Variants in PLXNC1 observed in about 807,000 individuals in gnomAD.
The protein encoded by PLXNC1 is plexin-C1.
Under a neutral mutation model 178.2 loss-of-function variants are expected in PLXNC1, and 75 were observed. That is an observed-to-expected ratio of 0.42 (90% CI 0.35 to 0.51). The LOEUF (loss-of-function observed/expected upper bound fraction) is 0.51. PLXNC1 is among the 20% of genes least tolerant of loss of function. The pLI is 0.02. For synonymous variants in PLXNC1, 790 were observed against 779.9 expected, an observed-to-expected ratio of 1.01 and a Z score of -0.22; for missense variants, 1,503 against 1,984.4, an observed-to-expected ratio of 0.76 and a Z score of 4.61.
intron 9 of PLXNC1, chr12:94,227,475 G>A (rs554295733): frequency 2.0e-5 from 7 of 348,794 alleles, no homozygotes; most frequent in African/African-American, 1.0e-4. Flanking sequence ...TGCTCTGGTC[G>A]AAATAAAATT....
At chr12:94,200,214 T>A (rs959943895) in intron 4 of PLXNC1, among the ~76,000 whole-genome samples, 1 of 152,242 alleles carries the variant, frequency 6.6e-6, no homozygotes, top group South Asian at 2.1e-4. Flanking sequence ...ATTAAGAACA[T>A]CCCTTTTAGT....
intron 11 of PLXNC1, among the ~76,000 whole-genome samples, chr12:94,242,249 C>T (rs1964409616): frequency 6.6e-6 from 1 of 150,564 alleles, no homozygotes; most frequent in African/African-American, 2.4e-5. Flanking sequence ...TGGTCATCTT[C>T]TCTCTATGTC....
intron 1 of PLXNC1, among the ~76,000 whole-genome samples, chr12:94,153,033 C>G (rs1438167783): frequency 1.3e-5 from 2 of 152,266 alleles, no homozygotes; most frequent in Non-Finnish European, 2.9e-5. Context: ...GACCCTCTCT[C>G]TAATAATCTT....
In PLXNC1 at chr12:94,248,048, G is replaced by A; in HGVS notation, c.2534G>A (p.Arg845Lys). 1 of 1,614,118 alleles carries A rather than the reference G, an allele frequency of 6.2e-7. No individual in the cohort carries two copies. The change falls in exon 13 of 31, where the codon AGA becomes AAA. Residue 845 changes from arginine to lysine, a missense_variant. Arg to Lys is a conservative substitution (Grantham distance 26, BLOSUM62 2). Coordinates refer to ENST00000258526, the MANE Select transcript of PLXNC1 (RefSeq NM_005761.3). ...ACCCTGCAGTATCGGGAGGACCCCAGATTCACGGGGTATCGGGTGGAATCC... is the reference window on the plus strand; with the variant it reads ...ACCCTGCAGTATCGGGAGGACCCCAAATTCACGGGGTATCGGGTGGAATCC... ...CGTLQYREDP[R>K]FTGYRVESEV...
At position 94,159,909 on chromosome 12, in the gene PLXNC1, C is replaced by T. The variant is rs939490914; in HGVS notation, c.1063-9244C>T. 1.7e-4 allele frequency among the ~76,000 whole-genome samples: 26 copies of T among 151,708 alleles called. 1 individual carries two copies. The highest frequency in any genetic ancestry group is 5.9e-5 in the Non-Finnish European group (4 of 67,918). ...TTATTGCAATCATTCAACTGAGGGA[C>T]GTTGAAGAGCTGAACTGAGGTTGCA... On this transcript the variant is annotated intron_variant, in intron 1 of 30. Coordinates refer to ENST00000258526, the MANE Select transcript of PLXNC1 (RefSeq NM_005761.3).
At position 94,215,453 on chromosome 12, in the gene PLXNC1, A is replaced by G. The variant is rs1009615969; in HGVS notation, c.1555-4563A>G. ...TTTATTTAAAATTAATATAAAATTC[A>G]TCTGGAATATCATGAGCTGATCAAG... On this transcript the variant is annotated intron_variant, in intron 5 of 30. Coordinates refer to ENST00000258526, the MANE Select transcript of PLXNC1 (RefSeq NM_005761.3). 4.6e-5 allele frequency among the ~76,000 whole-genome samples: 7 copies of G among 152,114 alleles called. No homozygotes were observed. In the East Asian group the frequency reaches 1.2e-3, roughly 25 times the overall value.
intron 15 of PLXNC1, among the ~76,000 whole-genome samples, chr12:94,252,330 C>T (rs1056734350): frequency 3.3e-5 from 5 of 152,048 alleles, no homozygotes; most frequent in Non-Finnish European, 5.9e-5. Context: ...CTTTGGGAGG[C>T]CAAGGAGGGA....
intron 22 of PLXNC1, chr12:94,281,980 A>C: frequency 3.4e-6 from 1 of 298,402 alleles, no homozygotes. Context: ...TGGGCACACA[A>C]GTGTGAGCAT....
rs779524285 is a variant in PLXNC1, at chr12:94,240,578, T to C, written c.2214T>C (p.Asp738=). The change falls in exon 11 of 31, where the codon GAT becomes GAC. Residue 738 remains aspartate, a synonymous_variant. Transcript: ENST00000258526. Reference sequence around the variant, plus strand: ...TGAAGGATGTGTGTATCCAGTTTGATGGTGGGAACTGCTCTTCTGTGGGAT... The same window carrying C: ...TGAAGGATGTGTGTATCCAGTTTGACGGTGGGAACTGCTCTTCTGTGGGAT... The part of the protein sequence containing the change: ...KEMKDVCIQF[D]GGNCSSVGSL... 3 of 1,613,848 alleles carry C rather than the reference T, an allele frequency of 1.9e-6. No individual in the cohort carries two copies. The African/African-American group carries it at 4.0e-5, about 22-fold the overall frequency.
intron 21 of PLXNC1, chr12:94,277,785 T>C: frequency 2.7e-6 from 1 of 364,724 alleles, no homozygotes; most frequent in South Asian, 2.0e-5. Context: ...TTGCCGATAC[T>C]ATCATCAAGC....
chr12:94,226,776 C>A lies in PLXNC1; in HGVS notation c.1893+69C>A, dbSNP rs1963951926. On this transcript the variant is annotated intron_variant, in intron 8 of 30. Transcript: ENST00000258526. Reference sequence around the variant, plus strand: ...TGGTGGCTCACGCCTGCAATCCCAGCATTTTGGGAGGTCGAGGCGGGTGGA... The same window carrying A: ...TGGTGGCTCACGCCTGCAATCCCAGAATTTTGGGAGGTCGAGGCGGGTGGA... 21 of 1,143,508 alleles carry A rather than the reference C, an allele frequency of 1.8e-5. No homozygotes were observed. The South Asian group carries it at 2.3e-4, about 13-fold the overall frequency. The allele number at this position is 1,143,508 out of a possible 1,614,324, so 70.8% of individuals were successfully genotyped here.
chr12:94,297,461 A>AGGG, intron 26 of PLXNC1, 38 bp downstream of exon 26: 1 of 1,349,476 alleles, frequency 7.4e-7, no homozygotes, highest in Non-Finnish European at 1.1e-6. Context: ...ATGGCTACCT[A>AGGG]GGGGGTGTAT....
At chr12:94,237,067 T>C (rs1964262878) in intron 9 of PLXNC1, among the ~76,000 whole-genome samples, 1 of 152,102 alleles carries the variant, frequency 6.6e-6, no homozygotes, top group South Asian at 2.1e-4. Flanking sequence ...AAGAAGGAGG[T>C]TGTGGTATCT....
intron 5 of PLXNC1, among the ~76,000 whole-genome samples, chr12:94,219,284 A>T (rs1188391594): frequency 6.6e-6 from 1 of 152,210 alleles, no homozygotes; most frequent in Non-Finnish European, 1.5e-5. Context: ...TTCCAGATAA[A>T]TGGAAATTTA....
In PLXNC1 at chr12:94,305,426, C is replaced by T. The variant is rs183750594; in HGVS notation, c.*141C>T. On this transcript the variant is annotated 3_prime_UTR_variant, in exon 31 of 31. Transcript: ENST00000258526. ...GCACTGTCTTTTTAAGAGACCAAGG[C>T]ACATGCACAGCTTTTAGAAAGCATA... is the stretch of plus-strand genomic sequence containing the variant. 1.3e-3 allele frequency: 787 copies of T among 602,366 alleles called. 6 individuals carry two copies. The highest frequency in any genetic ancestry group is 2.9e-4 in the South Asian group (14 of 47,952). The allele number at this position is 602,366 out of a possible 1,614,324, so 37.3% of individuals were successfully genotyped here.
intron 17 of PLXNC1, among the ~76,000 whole-genome samples, chr12:94,258,174 A>C (rs879572462): frequency 4.6e-5 from 7 of 152,204 alleles, no homozygotes; most frequent in Non-Finnish European, 7.3e-5. Flanking sequence ...CCAGGGCGGC[A>C]CTTCCGTATT....
chr12:94,156,704 CTTTCTTTTTTT>C lies in PLXNC1; in HGVS notation c.1062+6675_1062+6685del, dbSNP rs1275300502. 3.8e-5 allele frequency among the ~76,000 whole-genome samples: 5 copies of C among 129,950 alleles called. No individual in the cohort carries two copies. In the South Asian group the frequency reaches 1.3e-3, roughly 33 times the overall value. The allele number at this position is 129,950 out of a possible 152,430, so 85.3% of individuals were successfully genotyped here. The stretch of plus-strand genomic sequence containing the variant: ...CTGGAGGAGAGACACTGGAAACTTT[CTTTCTTTTTTT>C]TTTTTTTTTTTAAACAGAGTCTCAC... On this transcript the variant is annotated intron_variant, in intron 1 of 30. Coordinates refer to ENST00000258526, the MANE Select transcript of PLXNC1 (RefSeq NM_005761.3).
chr12:94,202,052 A>G (rs1442131185), intron 4 of PLXNC1, among the ~76,000 whole-genome samples: 1 of 151,836 alleles, frequency 6.6e-6, no homozygotes, highest in Non-Finnish European at 1.5e-5. Flanking sequence ...AGCCACTAGC[A>G]CTGGCCTCTT....
At chr12:94,206,925 C>T (rs576674632) in intron 4 of PLXNC1, among the ~76,000 whole-genome samples, 2 of 151,926 alleles carry the variant, frequency 1.3e-5, no homozygotes, top group Non-Finnish European at 2.9e-5. Context: ...TGCACTTGAC[C>T]GTTGCTCTTG....
Sources: allele counts gnomAD v4.1 joint callset (sites outside exome capture counted in the v4.1 genomes callset), GRCh38; gene constraint gnomAD v4.1.1; transcripts MANE v1.5; gene names NCBI Gene and HGNC (gene_info 2026-07-23, HGNC 2026-07-21).